ATG7: variants seen among roughly 807,000 people sequenced by gnomAD.
ATG7 encodes the protein ubiquitin-like modifier-activating enzyme ATG7.
In ATG7, 70 loss-of-function variants were observed where a neutral mutation model predicts 82.4. The observed-to-expected ratio is 0.85, with a 90% CI of 0.70 to 1.04. The LOEUF is 1.04. Ranked by LOEUF, ATG7 falls within the 50% of genes least tolerant of loss-of-function variation. The pLI is 0.00. For missense variants in ATG7, 792 were observed against 864.3 expected, an observed-to-expected ratio of 0.92 and a Z score of 1.05; for synonymous variants, 287 against 313.0, an observed-to-expected ratio of 0.92 and a Z score of 0.88.
intron 20 of ATG7, among the ~76,000 whole-genome samples, chr3:11,458,626 C>G (rs1470821286): frequency 2.6e-5 from 4 of 152,234 alleles, no homozygotes; most frequent in East Asian, 1.9e-4. Context: ...TAGCTAGTTA[C>G]TTCTCCATGC....
intron 20 of ATG7, among the ~76,000 whole-genome samples, chr3:11,504,370 T>C (rs1279751092): frequency 6.6e-6 from 1 of 152,178 alleles, no homozygotes; most frequent in Admixed American, 6.6e-5. Flanking sequence ...AAAACATTTG[T>C]CTCCTAGTCA....
At chr3:11,337,273 T>C (rs1218011869) in intron 11 of ATG7, among the ~76,000 whole-genome samples, 1 of 152,092 alleles carries the variant, frequency 6.6e-6, no homozygotes, top group Non-Finnish European at 1.5e-5. Context: ...GCCAACATGG[T>C]GAAACCCCGT....
chr3:11,340,553 A>T, intron 11 of ATG7, 92 bp from the exon 12 acceptor site: 1 of 1,126,944 alleles, frequency 8.9e-7, no homozygotes, highest in Non-Finnish European at 1.3e-6. Context: ...GGCCATTATG[A>T]ATGTCGATCT....
chr3:11,299,431 G>A lies in ATG7; in HGVS notation c.215+15G>A, dbSNP rs1258526414. 6.2e-7 allele frequency: 1 copy of A among 1,602,656 alleles called. No homozygotes were observed. The highest frequency in any genetic ancestry group is 8.5e-7 in the Non-Finnish European group (1 of 1,169,760). On this transcript the variant is annotated intron_variant, in intron 5 of 20. Transcript: ENST00000693202. ...GCTTTTGACATGTGAGTATTTATTT[G>A]TTCAAAATCTGAAGTAAAGAATACT...
intron 20 of ATG7, among the ~76,000 whole-genome samples, chr3:11,507,245 G>C (rs538290849): frequency 1.3e-4 from 20 of 152,256 alleles, no homozygotes; most frequent in Non-Finnish European, 2.4e-4. Context: ...TCACACCACT[G>C]CACTCCAGCC....
At chr3:11,370,997 C>T (rs2152829709) in intron 18 of ATG7, among the ~76,000 whole-genome samples, 1 of 151,172 alleles carries the variant, frequency 6.6e-6, no homozygotes, top group East Asian at 1.9e-4. Context: ...TTGGGCAAGC[C>T]ATGTCACTTT....
At chr3:11,534,654 T>C (rs1235180712) in intron 20 of ATG7, among the ~76,000 whole-genome samples, 3 of 152,190 alleles carry the variant, frequency 2.0e-5, no homozygotes, top group South Asian at 4.1e-4. Flanking sequence ...TAGCAGGACA[T>C]GGAGTTGGGC....
At position 11,426,909 on chromosome 3, in the gene ATG7, G is replaced by A; in HGVS notation, c.2062G>A (p.Glu688Lys). The A allele has an allele frequency of 6.2e-7, 1 of 1,604,460 alleles. No homozygotes were observed. The highest frequency in any genetic ancestry group is 8.5e-7 in the Non-Finnish European group (1 of 1,176,518). Reference protein sequence around the residue: ...DLTGLTLLHQETQAAEIWDMS... With the variant: ...DLTGLTLLHQKTQAAEIWDMS... ...GACTGGTCTTACATTGCTGCATCAA[G>A]AAACCCAAGCTGCTGAGGTAAGAAC... Residue 688 changes from glutamate to lysine, a missense_variant, in exon 20 of 21, where the codon GAA becomes AAA. Transcript: ENST00000693202.
intron 18 of ATG7, among the ~76,000 whole-genome samples, chr3:11,377,428 T>C (rs1028910808): frequency 3.9e-5 from 6 of 152,146 alleles, no homozygotes; most frequent in Admixed American, 1.3e-4. Flanking sequence ...TTTTCTTCTA[T>C]TCCTCGCCAC....
Position 11,298,667 on chromosome 3 carries a change from CTGTTT to C in ATG7, c.-10-12_-10-8del. On this transcript the variant is annotated splice_polypyrimidine_tract_variant and intron_variant, in intron 3 of 20. Coordinates refer to ENST00000693202, the MANE Select transcript of ATG7 (RefSeq NM_001349232.2). ...CATGGATATGTTATTTTGCTGTGTTCTGTTTTGTTTTTTAATAGGCAAGAAATAAT... is the reference window on the plus strand; with the variant it reads ...CATGGATATGTTATTTTGCTGTGTTCTGTTTTTTAATAGGCAAGAAATAAT... 3 of 1,607,322 alleles carry C rather than the reference CTGTTT, an allele frequency of 1.9e-6. No individual in the cohort carries two copies. Among genetic ancestry groups the C allele is most frequent in the Non-Finnish European group, 2.6e-6 (3 of 1,176,174 alleles).
At position 11,555,932 on chromosome 3, in the gene ATG7, T is replaced by A. The variant is rs1278796148; in HGVS notation, c.*1089T>A. 6.6e-6 allele frequency: 1 copy of A among 152,588 alleles called. No homozygotes were observed. Among genetic ancestry groups the A allele is most frequent in the East Asian group, 1.9e-4 (1 of 5,228 alleles). 9.5% of individuals were successfully genotyped at this position (152,588 alleles called of 1,614,324 possible). On this transcript the variant is annotated 3_prime_UTR_variant, in exon 21 of 21. Transcript: ENST00000693202. ...GGGTAGATTTCAAATGAGGCTTCGC[T>A]TCTCCCAAAGTAGCCAGTCCAAGTT...
intron 20 of ATG7, among the ~76,000 whole-genome samples, chr3:11,510,647 C>T (rs2092006411): frequency 6.6e-6 from 1 of 152,216 alleles, no homozygotes; most frequent in Non-Finnish European, 1.5e-5. Context: ...CCTTTCTTTA[C>T]ATCCTCTTCC....
At chr3:11,298,991 C>T in intron 4 of ATG7, 136 bp downstream of exon 4, 1 of 998,866 alleles carries the variant, frequency 1.0e-6, no homozygotes, top group Admixed American at 2.8e-5. Context: ...TATTTTACTT[C>T]CTGACTTTTT....
At chr3:11,551,031 C>G (rs2071725108) in intron 20 of ATG7, among the ~76,000 whole-genome samples, 1 of 152,182 alleles carries the variant, frequency 6.6e-6, no homozygotes, top group South Asian at 2.1e-4. Context: ...CTCTCTACTT[C>G]TCTTCATATC....
chr3:11,314,278 T>C (rs962716584), intron 8 of ATG7, among the ~76,000 whole-genome samples: 13 of 152,210 alleles, frequency 8.5e-5, no homozygotes, highest in African/African-American at 3.1e-4. Context: ...CTTATTGTTG[T>C]TAAGGCAAAG....
the ATG7 span, among the ~76,000 whole-genome samples, chr3:11,568,289 C>T: frequency 2.0e-4 from 30 of 152,312 alleles, no homozygotes; most frequent in African/African-American, 7.2e-4. The surrounding 1 kb of genome is among the most constrained non-coding windows in gnomAD (Gnocchi z 5.9). Flanking sequence ...GACTCAGCTG[C>T]GCCTTAGGAA....
intron 7 of ATG7, among the ~76,000 whole-genome samples, chr3:11,312,574 CA>C (rs1948837285): frequency 6.6e-6 from 1 of 152,230 alleles, no homozygotes; most frequent in Admixed American, 6.5e-5. Flanking sequence ...GCTCTGTCCA[CA>C]AAGTGAGCTG....
At chr3:11,475,907 A>ACACACACACACACACACACACACACC (rs766157655) in intron 20 of ATG7, among the ~76,000 whole-genome samples, 2 of 146,336 alleles carry the variant, frequency 1.4e-5, no homozygotes, top group East Asian at 4.0e-4. Flanking sequence ...ACACACACAC[A>ACACACACACACACACACACACACACC]CCCCCTCCCA....
chr3:11,313,666 G>A (rs1042194493), intron 8 of ATG7, among the ~76,000 whole-genome samples: 7 of 152,182 alleles, frequency 4.6e-5, no homozygotes, highest in Admixed American at 3.3e-4. Context: ...GCAGTGGCAC[G>A]ATCACTGCTC....
Sources: allele counts gnomAD v4.1 joint callset (sites outside exome capture counted in the v4.1 genomes callset), GRCh38; gene constraint gnomAD v4.1.1; non-coding constraint Gnocchi (gnomAD v3.1); transcripts MANE v1.5; gene names NCBI Gene and HGNC (gene_info 2026-07-23, HGNC 2026-07-21).